The following PCSK5 variants were observed in gnomAD, a reference collection of about 807,000 sequenced individuals.
The protein encoded by PCSK5 is prohormone convertase 5.
A neutral mutation model predicts 233.2 loss-of-function variants in PCSK5; 129 were observed. The observed-to-expected ratio is 0.55, with a 90% CI of 0.48 to 0.64. The LOEUF is 0.64. Among genes scored for constraint, PCSK5 ranks in the 30% least tolerant of loss-of-function variants. The probability of loss-of-function intolerance (pLI) is 0.00; values close to 1 mark genes in which losing one functional copy is unlikely to be tolerated. For missense variants in PCSK5, 2,076 were observed against 2,430.1 expected, an observed-to-expected ratio of 0.85 and a Z score of 3.06; for synonymous variants, 825 against 879.2, an observed-to-expected ratio of 0.94 and a Z score of 1.09.
At chr9:75,968,110 C>G (rs1825671280) in intron 2 of PCSK5, among the ~76,000 whole-genome samples, 1 of 152,198 alleles carries the variant, frequency 6.6e-6, no homozygotes, top group African/African-American at 2.4e-5. Context: ...AAGTTATCTT[C>G]ACTGATCCAG....
chr9:76,348,934 G>A (rs1242454049), intron 35 of PCSK5, among the ~76,000 whole-genome samples: 1 of 151,986 alleles, frequency 6.6e-6, no homozygotes, highest in South Asian at 2.1e-4. Context: ...AAACTCTCTT[G>A]TATGTTAAAA....
chr9:76,358,482 TGCC>T (rs1188161001), intron 37 of PCSK5, 28 bp from the exon 38 acceptor site: 1 of 1,571,964 alleles, frequency 6.4e-7, no homozygotes, highest in South Asian at 1.1e-5. Flanking sequence ...TTTTCCCTCT[TGCC>T]TCTTCCTTTG....
chr9:76,188,748 C>A, intron 18 of PCSK5, 73 bp downstream of exon 18: 1 of 1,022,390 alleles, frequency 9.8e-7, no homozygotes, highest in South Asian at 1.3e-5. Context: ...GGCCATCACT[C>A]ATGCAACCCA....
intron 3 of PCSK5, among the ~76,000 whole-genome samples, chr9:76,022,771 C>G (rs1373297383): frequency 2.6e-5 from 4 of 152,134 alleles, no homozygotes; most frequent in African/African-American, 9.7e-5. Context: ...TACAGCCTTC[C>G]CCTCGAAGCC....
intron 20 of PCSK5, among the ~76,000 whole-genome samples, chr9:76,192,489 T>TG (rs1302830200): frequency 6.6e-6 from 1 of 152,218 alleles, no homozygotes; most frequent in African/African-American, 2.4e-5. Context: ...TTGTGGCAGT[T>TG]TACAACTGCT....
At chr9:76,200,991 C>T (rs916308317) in intron 20 of PCSK5, among the ~76,000 whole-genome samples, 4 of 152,200 alleles carry the variant, frequency 2.6e-5, no homozygotes, top group East Asian at 1.9e-4. Context: ...AATGCTGAGG[C>T]GGCCAGATTT....
chr9:76,189,152 A>C lies in PCSK5; in HGVS notation c.2439A>C (p.Arg813Ser). ...AGGGCTACTTCATGGAGGATGGGAG[A>C]TGCGTGCAGAGCTGTAGTATCAGCT... ...CTEGYFMEDG[R>S]CVQSCSISYY... Residue 813 changes from arginine to serine, a missense_variant, in exon 19 of 38, where the codon AGA (arginine) becomes AGC (serine). Arg to Ser is a moderately radical substitution (Grantham distance 110, BLOSUM62 -1). Coordinates refer to ENST00000674117, the MANE Select transcript of PCSK5 (RefSeq NM_001372043.1). 6.2e-7 allele frequency: 1 copy of C among 1,612,284 alleles called. No individual in the cohort carries two copies. The highest frequency in any genetic ancestry group is 8.5e-7 in the Non-Finnish European group (1 of 1,178,654).
chr9:76,355,487 A>AAAGAG (rs1830277952), intron 37 of PCSK5, among the ~76,000 whole-genome samples: 1 of 152,040 alleles, frequency 6.6e-6, no homozygotes, highest in Non-Finnish European at 1.5e-5. Context: ...AAAGAAAAGA[A>AAAGAG]AAGAAAAAAA....
At chr9:75,918,156 T>C (rs1823084932) in intron 1 of PCSK5, among the ~76,000 whole-genome samples, 1 of 152,218 alleles carries the variant, frequency 6.6e-6, no homozygotes, top group East Asian at 1.9e-4. Flanking sequence ...ATTCTAAACA[T>C]AGATTGGGCC....
chr9:76,000,130 TCTC>T (rs1038363732), intron 3 of PCSK5, among the ~76,000 whole-genome samples: 1 of 152,118 alleles, frequency 6.6e-6, no homozygotes, highest in Non-Finnish European at 1.5e-5. Flanking sequence ...GTCTCTTACA[TCTC>T]CTTAATTTTA....
intron 1 of PCSK5, among the ~76,000 whole-genome samples, chr9:75,913,669 C>T (rs566476780): frequency 6.6e-6 from 1 of 152,256 alleles, no homozygotes; most frequent in East Asian, 1.9e-4. Context: ...GTCTCATTAC[C>T]ACATCTCATT....
In PCSK5 at chr9:75,924,565, C is replaced by T. The variant is rs141613578; in HGVS notation, c.193-7814C>T. On this transcript the variant is annotated intron_variant, in intron 1 of 37. Transcript: ENST00000674117. ...ACTAATGTAAGTTCTCTGGGGTTAG[C>T]GGTATAACCAGGTATGAAGGCCAGG... is the stretch of plus-strand genomic sequence containing the variant. Among the ~76,000 whole-genome samples, 394 of 152,140 alleles carry T rather than the reference C, an allele frequency of 2.6e-3. 4 individuals carry two copies. The highest frequency in any genetic ancestry group is 9.2e-3 in the African/African-American group (383 of 41,520).
At chr9:76,179,356 G>A (rs537741335) in intron 14 of PCSK5, among the ~76,000 whole-genome samples, 1 of 152,064 alleles carries the variant, frequency 6.6e-6, no homozygotes, top group African/African-American at 2.4e-5. Flanking sequence ...TTGAAGACCA[G>A]GCCATGACTA....
chr9:76,071,366 C>T (rs4745493), intron 6 of PCSK5, among the ~76,000 whole-genome samples: 18,184 of 151,920 alleles, frequency 0.12, 1,487 homozygotes, highest in East Asian at 0.37. Flanking sequence ...CAATTATGAA[C>T]ACAAGTTATT....
intron 29 of PCSK5, among the ~76,000 whole-genome samples, chr9:76,308,940 A>C (rs1828784168): frequency 6.6e-6 from 1 of 152,222 alleles, no homozygotes; most frequent in East Asian, 1.9e-4. Context: ...AGAAGTGGTC[A>C]GGTACAGTGG....
At chr9:76,110,472 T>G (rs1285173454) in intron 9 of PCSK5, among the ~76,000 whole-genome samples, 1 of 152,222 alleles carries the variant, frequency 6.6e-6, no homozygotes, top group Non-Finnish European at 1.5e-5. Context: ...CCTGCATGGG[T>G]AGGACTGTGG....
intron 20 of PCSK5, chr9:76,193,579 A>G: frequency 2.2e-6 from 1 of 447,154 alleles, no homozygotes. Flanking sequence ...ACCTTTTATA[A>G]CTGGGTGTTT....
At chr9:76,050,713 A>T (rs1829594221) in intron 5 of PCSK5, among the ~76,000 whole-genome samples, 1 of 152,228 alleles carries the variant, frequency 6.6e-6, no homozygotes, top group African/African-American at 2.4e-5. Context: ...TAAGTCTTGC[A>T]ATGCCCCTGT....
At chr9:76,006,281 C>T (rs1478008604) in intron 3 of PCSK5, among the ~76,000 whole-genome samples, 1 of 151,890 alleles carries the variant, frequency 6.6e-6, no homozygotes, top group African/African-American at 2.4e-5. Flanking sequence ...ATAAATATGA[C>T]CAATAAATTT....
Sources: gnomAD v4.1 joint callset for allele counts (sites outside exome capture counted in the v4.1 genomes callset) on GRCh38, gnomAD v4.1.1 for gene constraint, MANE v1.5 for transcripts, NCBI Gene and HGNC (gene_info 2026-07-23, HGNC 2026-07-21) for gene names.